CFAP74: variants seen among roughly 807,000 people sequenced by gnomAD.
The protein encoded by CFAP74 is cilia and flagella associated protein 74.
In CFAP74, 124 loss-of-function variants were observed where a neutral mutation model predicts 188.9. The ratio of observed to expected loss-of-function variants is 0.66; its 90% CI spans 0.57 to 0.76. The LOEUF is 0.76. Among genes scored for constraint, CFAP74 ranks in the 30% least tolerant of loss-of-function variants. CFAP74 has a pLI of 0.00. For missense variants in CFAP74, 2,198 were observed against 2,165.2 expected (o/e 1.02, Z -0.30); for synonymous variants, 956 against 916.7 (o/e 1.04, Z -0.77).
Position 1,926,880 on chromosome 1 carries a change from A to T in CFAP74, c.3662+14T>A. ...CGGCTGACCACACCCTGTTCTGGCCAGAGCACCCCGCACCTGAAGCTCAGG... is the reference window on the plus strand; with the variant it reads ...CGGCTGACCACACCCTGTTCTGGCCTGAGCACCCCGCACCTGAAGCTCAGG... On this transcript the variant is annotated intron_variant, in intron 29 of 38. Coordinates refer to ENST00000682832, the MANE Select transcript of CFAP74 (RefSeq NM_001304360.2). 1 of 1,549,932 alleles carries T rather than the reference A, an allele frequency of 6.5e-7. No homozygotes were observed. The highest frequency in any genetic ancestry group is 8.7e-7 in the Non-Finnish European group (1 of 1,146,736).
chr1:1,940,280 G>A, intron 23 of CFAP74, 36 bp downstream of exon 23: 1 of 1,469,706 alleles, frequency 6.8e-7, no homozygotes, highest in Non-Finnish European at 9.2e-7. Context: ...CTACCCAGGA[G>A]CGCCCAGCAT....
intron 9 of CFAP74, among the ~76,000 whole-genome samples, chr1:1,971,351 A>G (rs752027680): frequency 1.0e-3 from 156 of 148,658 alleles, no homozygotes; most frequent in South Asian, 5.5e-3. Flanking sequence ...GTGCACACAC[A>G]TGCACACCTG....
At chr1:1,992,790 A>G (rs545106451) in intron 1 of CFAP74, among the ~76,000 whole-genome samples, 3 of 152,226 alleles carry the variant, frequency 2.0e-5, no homozygotes, top group African/African-American at 7.2e-5. Context: ...CAATTCTTAA[A>G]TAATTTCAAA....
intron 17 of CFAP74, among the ~76,000 whole-genome samples, chr1:1,956,280 C>T (rs1177831646): frequency 1.3e-5 from 2 of 152,202 alleles, no homozygotes; most frequent in Admixed American, 6.5e-5. Flanking sequence ...TGCACCTGTC[C>T]AGTCCTCCCA....
At position 1,985,440 on chromosome 1, in the gene CFAP74, A is replaced by T. The variant is rs1657172604; in HGVS notation, c.446T>A (p.Leu149Gln). ...CGACTGCAGGTCTCTCTCGTTCTCCAGCTCTGCAAACAGGCGTCTGGACAC... is the reference window on the plus strand; with the variant it reads ...CGACTGCAGGTCTCTCTCGTTCTCCTGCTCTGCAAACAGGCGTCTGGACAC... ...QAVSRRLFAE[L>Q]ENERDLQSRT... The change falls in exon 6 of 39, where the codon CTG (leucine) becomes CAG (glutamine). Residue 149 changes from leucine to glutamine, a missense_variant. Transcript: ENST00000682832. The T allele has an allele frequency of 3.1e-6, 5 of 1,614,084 alleles. No homozygotes were observed. Among genetic ancestry groups the T allele is most frequent in the Non-Finnish European group, 4.2e-6 (5 of 1,180,034 alleles).
rs1354186316 is a variant in CFAP74 at position 1,925,806 on chromosome 1, C to G, written c.4081G>C (p.Glu1361Gln). The G allele has an allele frequency of 6.2e-7, 1 of 1,612,454 alleles. No individual in the cohort carries two copies. The highest frequency in any genetic ancestry group is 2.2e-5 in the East Asian group (1 of 44,900). The change falls in exon 33 of 39, where the codon GAG (glutamate) becomes CAG (glutamine). Residue 1361 changes from glutamate (E) to glutamine (Q), a missense_variant. Transcript: ENST00000682832. ...VLNMGYVIAG[E>Q]SVSSGFKLQN... ...ACCTTGAAGCCTGAGGACACAGACT[C>G]TCCGGCAATCACATAGCCCATGTTG...
intron 5 of CFAP74, 131 bp from the exon 6 acceptor site, chr1:1,985,621 T>C (rs1657186232): frequency 2.9e-6 from 2 of 698,544 alleles, no homozygotes; most frequent in East Asian, 2.7e-5. Context: ...ACCTAGCCAA[T>C]GGAGCGTGGG....
chr1:1,922,764 C>T (rs760224860), intron 37 of CFAP74, 41 bp from the exon 38 acceptor site: 25 of 1,586,872 alleles, frequency 1.6e-5, no homozygotes, highest in African/African-American at 9.4e-5. Flanking sequence ...GACCAGGCAC[C>T]GCTCCCAGAA....
chr1:1,970,658 C>A lies in CFAP74; in HGVS notation c.1046+1G>T, dbSNP rs1655887630. The A allele has an allele frequency of 6.2e-7, 1 of 1,604,340 alleles. No individual in the cohort carries two copies. Among genetic ancestry groups the A allele is most frequent in the Admixed American group, 1.7e-5 (1 of 57,960 alleles). On this transcript the variant is annotated splice_donor_variant, in intron 10 of 38. Transcript: ENST00000682832. LOFTEE classifies it high-confidence loss of function. ...GGTGGCACCTCTGCCACCACCCTCACCTCTTCTGGGCCTCCAGCTCCTGGC... is the reference window on the plus strand; with the variant it reads ...GGTGGCACCTCTGCCACCACCCTCAACTCTTCTGGGCCTCCAGCTCCTGGC...
chr1:1,944,596 T>C (rs766288480), intron 20 of CFAP74, 144 bp from the exon 21 acceptor site: 8 of 800,338 alleles, frequency 1.0e-5, no homozygotes, highest in African/African-American at 8.7e-5. Context: ...ACTTTTCATA[T>C]CATATCATTC....
At position 1,944,422 on chromosome 1, in the gene CFAP74, C is replaced by T. The variant is rs767964650; in HGVS notation, c.2395G>A (p.Asp799Asn). 3.3e-6 allele frequency: 5 copies of T among 1,536,046 alleles called. No individual in the cohort carries two copies. Among genetic ancestry groups the T allele is most frequent in the South Asian group, 2.4e-5 (2 of 84,054 alleles). Reference sequence around the variant, plus strand: ...GGCTTCGGCACCCAGACCGGCACATCGATGGCCACGCCCACGACCCTGAAA... The same window carrying T: ...GGCTTCGGCACCCAGACCGGCACATTGATGGCCACGCCCACGACCCTGAAA... ...LHFRVVGVAI[D>N]VPVWVPKPSV... is the part of the protein sequence containing the mutation. The change falls in exon 21 of 39, where the codon GAT (aspartate) becomes AAT (asparagine). Residue 799 changes from aspartate (D) to asparagine (N), a missense_variant. By Grantham distance (23) the Asp-to-Asn change is conservative. Coordinates refer to ENST00000682832, the MANE Select transcript of CFAP74 (RefSeq NM_001304360.2).
chr1:1,922,098 C>T lies in CFAP74; in HGVS notation c.*189G>A. Reference sequence around the variant, plus strand: ...AGTCTGGGGTCTCAGGAGGGGTGCTCTTGGATGTCCCTGGGCTTGCGGGGT... The same window carrying T: ...AGTCTGGGGTCTCAGGAGGGGTGCTTTTGGATGTCCCTGGGCTTGCGGGGT... On this transcript the variant is annotated 3_prime_UTR_variant, in exon 39 of 39. Transcript: ENST00000682832. The T allele has an allele frequency of 1.8e-6, 1 of 563,952 alleles. No individual in the cohort carries two copies. Among genetic ancestry groups the T allele is most frequent in the Non-Finnish European group, 3.1e-6 (1 of 320,090 alleles). The allele number at this position is 563,952 out of a possible 1,614,324, so 34.9% of individuals were successfully genotyped here.
At chr1:1,989,176 G>A (rs113863791) in intron 2 of CFAP74, among the ~76,000 whole-genome samples, 1 of 152,132 alleles carries the variant, frequency 6.6e-6, no homozygotes, top group Non-Finnish European at 1.5e-5. Context: ...GAGAGAGAGA[G>A]TCAGGGACAT....
At chr1:1,952,743 C>T (rs1654283970) in intron 18 of CFAP74, among the ~76,000 whole-genome samples, 1 of 152,050 alleles carries the variant, frequency 6.6e-6, no homozygotes, top group Admixed American at 6.6e-5. Flanking sequence ...CAGCCTTGAC[C>T]TCCTGGGCTC....
At chr1:1,986,833 G>T in intron 5 of CFAP74, 104 bp downstream of exon 5, 1 of 919,848 alleles carries the variant, frequency 1.1e-6, no homozygotes, top group Non-Finnish European at 1.7e-6. Context: ...GCTCCTCATT[G>T]GCCTGAACAC....
In CFAP74 at chr1:1,926,634, CG is replaced by C. The variant is rs1379262871; in HGVS notation, c.3772+17del. ...CTGGGCACCGGGGTGGAGGTGTGGG[CG>C]GGGCTTAGCGTCTCACCCACAGCGA... On this transcript the variant is annotated intron_variant, in intron 30 of 38. Transcript: ENST00000682832. 5.2e-6 allele frequency: 8 copies of C among 1,546,082 alleles called. No individual in the cohort carries two copies. Among genetic ancestry groups the C allele is most frequent in the Non-Finnish European group, 7.0e-6 (8 of 1,143,316 alleles).
At chr1:1,952,384 A>C (rs964424548) in intron 18 of CFAP74, among the ~76,000 whole-genome samples, 1 of 152,082 alleles carries the variant, frequency 6.6e-6, no homozygotes, top group Non-Finnish European at 1.5e-5. Flanking sequence ...CAAAAAAGCA[A>C]GACCAATGTA....
Position 1,970,830 on chromosome 1 carries a change from A to G in CFAP74, c.889-14T>C. The G allele has an allele frequency of 6.2e-7, 1 of 1,613,384 alleles. No individual in the cohort carries two copies. Among genetic ancestry groups the G allele is most frequent in the Non-Finnish European group, 8.5e-7 (1 of 1,179,550 alleles). Reference sequence around the variant, plus strand: ...CCGCAGTGTGTCCTTGGAAACAGAGAGCACTGAGATGACAGCAGCAGCACC... The same window carrying G: ...CCGCAGTGTGTCCTTGGAAACAGAGGGCACTGAGATGACAGCAGCAGCACC... On this transcript the variant is annotated splice_polypyrimidine_tract_variant and intron_variant, in intron 9 of 38. Coordinates refer to ENST00000682832, the MANE Select transcript of CFAP74 (RefSeq NM_001304360.2).
intron 6 of CFAP74, among the ~76,000 whole-genome samples, chr1:1,983,501 C>T (rs982584268): frequency 6.6e-6 from 1 of 152,206 alleles, no homozygotes; most frequent in South Asian, 2.1e-4. Flanking sequence ...ATCCTCAGAA[C>T]CGCAACGTCC....
Sources: gnomAD v4.1 joint callset for allele counts (sites outside exome capture counted in the v4.1 genomes callset) on GRCh38, gnomAD v4.1.1 for gene constraint, MANE v1.5 for transcripts, NCBI Gene and HGNC (gene_info 2026-07-23, HGNC 2026-07-21) for gene names.